Variants in CEP112 observed in about 807,000 individuals in gnomAD.
CEP112 encodes centrosomal protein 112.
Under a neutral mutation model 153.0 loss-of-function variants are expected in CEP112, and 127 were observed. The observed-to-expected ratio is 0.83, with a 90% CI of 0.72 to 0.96. The LOEUF (loss-of-function observed/expected upper bound fraction) is 0.96. Ranked by LOEUF, CEP112 falls within the 40% of genes least tolerant of loss-of-function variation. CEP112 has a pLI of 0.00. For missense variants in CEP112, 1,089 were observed against 1,101.2 expected, an observed-to-expected ratio of 0.99 and a Z score of 0.16; for synonymous variants, 358 against 374.4, an observed-to-expected ratio of 0.96 and a Z score of 0.51.
intron 8 of CEP112, among the ~76,000 whole-genome samples, chr17:66,080,876 G>A (rs1660410081): frequency 6.6e-6 from 1 of 152,188 alleles, no homozygotes; most frequent in Admixed American, 6.5e-5. Context: ...CATGGATGAA[G>A]CTAGAAACCA....
At chr17:65,947,723 A>G (rs2061692534) in intron 18 of CEP112, among the ~76,000 whole-genome samples, 1 of 152,290 alleles carries the variant, frequency 6.6e-6, no homozygotes, top group East Asian at 1.9e-4. Flanking sequence ...TTCATTAATT[A>G]TCATTATAGC....
chr17:65,813,480 C>G (rs1006842150), intron 21 of CEP112, among the ~76,000 whole-genome samples: 1 of 152,154 alleles, frequency 6.6e-6, no homozygotes, highest in Admixed American at 6.5e-5. Flanking sequence ...TCATAGTGAC[C>G]TATCTGAGCC....
chr17:66,003,371 C>T lies in CEP112; in HGVS notation c.1736+2319G>A, dbSNP rs1181889890. Among the ~76,000 whole-genome samples the T allele has an allele frequency of 2.0e-5, 3 of 152,156 alleles. No individual in the cohort carries two copies. In the East Asian group the frequency reaches 5.8e-4, roughly 29 times the overall value. Reference sequence around the variant, plus strand: ...TCAGGGCTCTTTGACTATCTACCAGCACCACTAAAAGATACTATATTGTTA... The same window carrying T: ...TCAGGGCTCTTTGACTATCTACCAGTACCACTAAAAGATACTATATTGTTA... On this transcript the variant is annotated intron_variant, in intron 17 of 26. Transcript: ENST00000535342.
At chr17:65,879,375 G>T (rs939238192) in intron 20 of CEP112, among the ~76,000 whole-genome samples, 2 of 152,228 alleles carry the variant, frequency 1.3e-5, no homozygotes, top group Admixed American at 6.5e-5. Context: ...GGAACCTCCA[G>T]AAGGAGCCAA....
chr17:65,694,475 G>A (rs1232726122), intron 23 of CEP112, among the ~76,000 whole-genome samples: 2 of 152,114 alleles, frequency 1.3e-5, no homozygotes, highest in Non-Finnish European at 2.9e-5. Flanking sequence ...CAAAAAGGCA[G>A]GCCTTTAAAA....
chr17:65,998,926 C>A (rs1163970230), intron 17 of CEP112, among the ~76,000 whole-genome samples: 1 of 151,780 alleles, frequency 6.6e-6, no homozygotes, highest in African/African-American at 2.4e-5. Flanking sequence ...CAAACTGTTC[C>A]CAAAACCACC....
intron 18 of CEP112, among the ~76,000 whole-genome samples, chr17:65,942,222 T>C (rs2061527212): frequency 6.6e-6 from 1 of 152,116 alleles, no homozygotes; most frequent in Non-Finnish European, 1.5e-5. Context: ...TTGTGAACTG[T>C]GCATGCGAGG....
At chr17:65,876,501 T>C (rs927099831) in intron 20 of CEP112, among the ~76,000 whole-genome samples, 2 of 152,232 alleles carry the variant, frequency 1.3e-5, no homozygotes, top group African/African-American at 2.4e-5. Flanking sequence ...GATCTCTCTT[T>C]TATTCCTTCT....
At chr17:65,913,846 C>T (rs886112354) in intron 19 of CEP112, 9 of 985,300 alleles carry the variant, frequency 9.1e-6, no homozygotes, top group South Asian at 9.4e-5. Context: ...TGGAAGCAGG[C>T]GCTATCTCCT....
At chr17:66,140,371 G>C (rs1310237990) in intron 4 of CEP112, among the ~76,000 whole-genome samples, 2 of 152,094 alleles carry the variant, frequency 1.3e-5, no homozygotes, top group African/African-American at 4.8e-5. Flanking sequence ...TCAAGAACAA[G>C]GCAAGAAGGC....
chr17:65,635,908 A>G lies in CEP112; in HGVS notation c.*63T>C, dbSNP rs935603414. The G allele has an allele frequency of 1.3e-6, 2 of 1,560,758 alleles. No homozygotes were observed. The highest frequency in any genetic ancestry group is 1.7e-6 in the Non-Finnish European group (2 of 1,145,248). ...ACAGTTTACAATATCCAAATCTTCA[A>G]ACCTGCTGGAAGAAGTCCACAGCAC... On this transcript the variant is annotated 3_prime_UTR_variant, in exon 27 of 27. Transcript: ENST00000535342.
At chr17:65,816,842 C>T (rs936667669) in intron 21 of CEP112, among the ~76,000 whole-genome samples, 3 of 151,868 alleles carry the variant, frequency 2.0e-5, no homozygotes, top group African/African-American at 7.2e-5. Context: ...TTTTCTGAAA[C>T]AGTTTGTGTT....
intron 20 of CEP112, among the ~76,000 whole-genome samples, chr17:65,875,046 T>G (rs2058777878): frequency 6.6e-6 from 1 of 152,004 alleles, no homozygotes; most frequent in Admixed American, 6.6e-5. Context: ...ACCATTCTCA[T>G]AAGAACATAG....
In CEP112 at chr17:66,132,168, CAAAAAAAAAAAAAAAAAAA is replaced by C. The variant is rs56221578; in HGVS notation, c.564+483_564+501del. 4.0e-4 allele frequency among the ~76,000 whole-genome samples: 16 copies of C among 39,886 alleles called. No homozygotes were observed. The East Asian group carries it at 0.015, about 39-fold the overall frequency. The allele number at this position is 39,886 out of a possible 152,430, so 26.2% of individuals were successfully genotyped here. ...CCTGGGCAACAGTGAGACTCCATCT[CAAAAAAAAAAAAAAAAAAA>C]AAAAAAAAAAAAAAAAAGCTAACTG... is the stretch of plus-strand genomic sequence containing the variant. On this transcript the variant is annotated intron_variant, in intron 5 of 26. Transcript: ENST00000535342.
intron 23 of CEP112, among the ~76,000 whole-genome samples, chr17:65,729,920 CAAACA>C (rs1254637348): frequency 1.0e-4 from 3 of 29,730 alleles, no homozygotes; most frequent in South Asian, 5.0e-3. Flanking sequence ...CTCAAACAAA[CAAACA>C]AACAAACAAA....
chr17:66,056,545 T>C (rs372495703), intron 11 of CEP112, among the ~76,000 whole-genome samples: 1 of 152,232 alleles, frequency 6.6e-6, no homozygotes, highest in African/African-American at 2.4e-5. Context: ...CGCAATATTA[T>C]TTGACCATAA....
intron 18 of CEP112, among the ~76,000 whole-genome samples, chr17:65,953,569 C>T (rs1194120726): frequency 6.6e-6 from 1 of 152,202 alleles, no homozygotes; most frequent in African/African-American, 2.4e-5. Flanking sequence ...GTTCTCAACC[C>T]TGATTGCCAG....
intron 20 of CEP112, among the ~76,000 whole-genome samples, chr17:65,896,289 T>G (rs1429766924): frequency 6.6e-6 from 1 of 152,054 alleles, no homozygotes; most frequent in Non-Finnish European, 1.5e-5. Flanking sequence ...TTTTTTGCTT[T>G]TTAAACAATA....
chr17:65,636,243 G>A (rs987747636), intron 26 of CEP112, among the ~76,000 whole-genome samples: 6 of 152,228 alleles, frequency 3.9e-5, no homozygotes, highest in African/African-American at 4.8e-5. Context: ...CAGGAAGGGC[G>A]TTTGATGGAA....
Sources: allele counts gnomAD v4.1 joint callset (sites outside exome capture counted in the v4.1 genomes callset), GRCh38; gene constraint gnomAD v4.1.1; transcripts MANE v1.5; gene names NCBI Gene and HGNC (gene_info 2026-07-23, HGNC 2026-07-21).